The following ACACA variants were observed in gnomAD, a reference collection of about 807,000 sequenced individuals.
ACACA encodes acetyl-CoA carboxylase alpha, also known as acetyl-CoA carboxylase 1.
In ACACA, 103 loss-of-function variants were observed where a neutral mutation model predicts 296.1. That is an observed-to-expected ratio of 0.35 (90% confidence interval 0.30 to 0.41). The LOEUF (loss-of-function observed/expected upper bound fraction) is 0.41, where lower values mean the gene tolerates loss of function less well. Ranked by LOEUF, ACACA falls within the 10% of genes least tolerant of loss-of-function variation. ACACA has a pLI of 1.00. For synonymous variants in ACACA, 953 were observed against 1,038.6 expected (o/e 0.92, Z 1.58); for missense variants, 1,554 against 2,989.7 (o/e 0.52, Z 11.20).
chr17:37,378,032 T>A, intron 1 of ACACA: 1 of 1,389,728 alleles, frequency 7.2e-7, no homozygotes, highest in Non-Finnish European at 1.0e-6. Context: ...TTAAAAGATA[T>A]CTCATCTTCC....
intron 1 of ACACA, among the ~76,000 whole-genome samples, chr17:37,402,829 C>A (rs760563397): frequency 2.0e-5 from 3 of 152,042 alleles, no homozygotes; most frequent in Non-Finnish European, 4.4e-5. Flanking sequence ...CCCACCACCA[C>A]GCCCGGCTAA....
chr17:37,371,663 G>T (rs768260192), intron 1 of ACACA, among the ~76,000 whole-genome samples: 6 of 152,062 alleles, frequency 3.9e-5, no homozygotes, highest in African/African-American at 9.7e-5. Context: ...ACTTTGGGAG[G>T]CTGAGGCGGG....
chr17:37,189,525 C>T (rs117053277), intron 38 of ACACA, among the ~76,000 whole-genome samples: 3,907 of 152,138 alleles, frequency 0.026, 70 homozygotes, highest in Non-Finnish European at 0.034. Context: ...GGAACAAAAG[C>T]CAACAATCTT....
intron 8 of ACACA, among the ~76,000 whole-genome samples, chr17:37,275,132 T>C (rs1217647576): frequency 6.6e-6 from 1 of 152,232 alleles, no homozygotes; most frequent in Non-Finnish European, 1.5e-5. Flanking sequence ...ATTTTCTGCA[T>C]CAAGGGCAAC....
Position 37,388,527 on chromosome 17 carries a change from G to C in ACACA, c.38+17735C>G, listed in dbSNP as rs1371031644. On this transcript the variant is annotated intron_variant, in intron 1 of 55. Coordinates refer to ENST00000616317, the MANE Select transcript of ACACA (RefSeq NM_198834.3). ...TCACACCCCCTCCAGCCCTGAGTTT[G>C]AATTGGAAATTCTGCCTCTGCCTCT... 5.2e-6 allele frequency: 5 copies of C among 955,822 alleles called. No homozygotes were observed. The East Asian group carries it at 1.3e-4, about 25-fold the overall frequency. The allele number at this position is 955,822 out of a possible 1,614,324, so 59.2% of individuals were successfully genotyped here. A position where few individuals can be genotyped will look rare whatever the true frequency, so the allele number is the denominator to read the frequency against.
At position 37,101,665 on chromosome 17, in the gene ACACA, A is replaced by C. The variant is rs1373960524; in HGVS notation, c.6566-3681T>G. On this transcript the variant is annotated intron_variant, in intron 52 of 55. Transcript: ENST00000616317. ...CCTTTAATTTCTGAGAGGCTAAGTG[A>C]TGATGGTGGGCTCCTGGCTGATAAA... Among the ~76,000 whole-genome samples, 3 of 152,202 alleles carry C rather than the reference A, an allele frequency of 2.0e-5. No individual in the cohort carries two copies. In the South Asian group the frequency reaches 6.2e-4, roughly 31 times the overall value.
At position 37,097,789 on chromosome 17, in the gene ACACA, C is replaced by T. The variant is rs753936531; in HGVS notation, c.6720+41G>A. On this transcript the variant is annotated intron_variant, in intron 53 of 55. Coordinates refer to ENST00000616317, the MANE Select transcript of ACACA (RefSeq NM_198834.3). The surrounding 1 kb of genome is among the most constrained non-coding windows in gnomAD (Gnocchi z 4.8). ...TGCAACACACACACACACTTGCCCA[C>T]ATGTGGGCCTCTGACAAGAAGTGGC... 8 of 1,611,674 alleles carry T rather than the reference C, an allele frequency of 5.0e-6. No individual in the cohort carries two copies. The highest frequency in any genetic ancestry group is 6.8e-6 in the Non-Finnish European group (8 of 1,178,128).
chr17:37,367,692 C>T (rs1409501971), intron 1 of ACACA: 1 of 152,204 alleles, frequency 6.6e-6, no homozygotes, highest in Non-Finnish European at 1.5e-5. Flanking sequence ...TTACTTTCCC[C>T]TTTCTCTCCA....
intron 4 of ACACA, among the ~76,000 whole-genome samples, chr17:37,283,687 G>A (rs1486136651): frequency 2.6e-5 from 4 of 152,116 alleles, no homozygotes; most frequent in Non-Finnish European, 5.9e-5. Context: ...ACTTAAATCT[G>A]TGACTTTGTG....
At chr17:37,186,005 G>A (rs1161828909) in intron 39 of ACACA, among the ~76,000 whole-genome samples, 2 of 152,138 alleles carry the variant, frequency 1.3e-5, no homozygotes, top group Non-Finnish European at 1.5e-5. Context: ...ACTGTACAAG[G>A]AAAATGAAAA....
chr17:37,394,488 A>T (rs1179813267), intron 1 of ACACA, among the ~76,000 whole-genome samples: 1 of 151,836 alleles, frequency 6.6e-6, no homozygotes, highest in Non-Finnish European at 1.5e-5. Flanking sequence ...TGGGGTAAAA[A>T]GTCCAGGCGT....
intron 3 of ACACA, among the ~76,000 whole-genome samples, chr17:37,297,034 G>A (rs2083373158): frequency 6.6e-6 from 1 of 151,724 alleles, no homozygotes; most frequent in Admixed American, 6.6e-5. Flanking sequence ...ATAAATTTTG[G>A]CAAAGACACA....
chr17:37,317,395 G>A (rs576615188), intron 3 of ACACA, among the ~76,000 whole-genome samples: 2 of 152,162 alleles, frequency 1.3e-5, no homozygotes, highest in Non-Finnish European at 2.9e-5. Context: ...GCGAAACCCC[G>A]TCTCTACTAA....
chr17:37,126,813 A>C (rs1445269402), intron 47 of ACACA, among the ~76,000 whole-genome samples: 2 of 152,244 alleles, frequency 1.3e-5, no homozygotes, highest in Non-Finnish European at 2.9e-5. Flanking sequence ...TTTCAAAATT[A>C]TCTCTCCATC....
Position 37,377,864 on chromosome 17 carries a change from T to C in ACACA, c.38+28398A>G. ...CCTTCCCCGGTTCCCCTCCTCCCCCTCTGCTCACCCCCAGACCTCAGAGAT... is the reference window on the plus strand; with the variant it reads ...CCTTCCCCGGTTCCCCTCCTCCCCCCCTGCTCACCCCCAGACCTCAGAGAT... On this transcript the variant is annotated intron_variant, in intron 1 of 55. Coordinates refer to ENST00000616317, the MANE Select transcript of ACACA (RefSeq NM_198834.3). 7 of 1,469,596 alleles carry C rather than the reference T, an allele frequency of 4.8e-6. No individual in the cohort carries two copies. The South Asian group carries it at 5.8e-5, about 12-fold the overall frequency. The allele number at this position is 1,469,596 out of a possible 1,614,324, so 91.0% of individuals were successfully genotyped here.
chr17:37,387,504 TAGCGTAGTCTC>T (rs1338026672), intron 1 of ACACA: 5 of 151,204 alleles, frequency 3.3e-5, no homozygotes, highest in Non-Finnish European at 7.4e-5. Context: ...TGGAGTGCAG[TAGCGTAGTCTC>T]AGCTTACTGC....
intron 3 of ACACA, among the ~76,000 whole-genome samples, chr17:37,326,424 A>G (rs779475227): frequency 4.0e-5 from 6 of 151,656 alleles, no homozygotes; most frequent in Admixed American, 6.6e-5. Context: ...CCAGCTACTC[A>G]GGAGGCTGAG....
intron 35 of ACACA, among the ~76,000 whole-genome samples, chr17:37,198,216 T>C (rs953046876): frequency 6.6e-6 from 1 of 152,244 alleles, no homozygotes; most frequent in Non-Finnish European, 1.5e-5. Context: ...CTAATCACTT[T>C]GGTTTGCTAA....
At chr17:37,278,201 C>CAT (rs1854208492) in intron 5 of ACACA, among the ~76,000 whole-genome samples, 196 bp from the exon 6 acceptor site, 1 of 152,188 alleles carries the variant, frequency 6.6e-6, no homozygotes, top group Admixed American at 6.5e-5. Flanking sequence ...GAGTTAATCC[C>CAT]ATATTTAGAA....
Sources: gnomAD v4.1 joint callset for allele counts (sites outside exome capture counted in the v4.1 genomes callset) on GRCh38, gnomAD v4.1.1 for gene constraint, Gnocchi (gnomAD v3.1) non-coding constraint, MANE v1.5 for transcripts, NCBI Gene and HGNC (gene_info 2026-07-23, HGNC 2026-07-21) for gene names.